The following EPB41L2 variants were observed in gnomAD, a reference collection of about 807,000 sequenced individuals.
The protein encoded by EPB41L2 is band 4.1-like protein 2.
EPB41L2 carries 43 observed loss-of-function variants against 113.0 expected under a neutral mutation model. The observed-to-expected ratio is 0.38, with a 90% CI of 0.30 to 0.49. EPB41L2 has a LOEUF of 0.49. EPB41L2 is among the 20% of genes least tolerant of loss of function. EPB41L2 has a pLI of 0.95. For synonymous variants in EPB41L2, 442 were observed against 436.7 expected, an observed-to-expected ratio of 1.01 and a Z score of -0.15; for missense variants, 1,147 against 1,223.4, an observed-to-expected ratio of 0.94 and a Z score of 0.93.
chr6:130,928,099 AATAC>A (rs1272542047), intron 3 of EPB41L2, among the ~76,000 whole-genome samples: 3 of 152,184 alleles, frequency 2.0e-5, no homozygotes, highest in Non-Finnish European at 4.4e-5. Flanking sequence ...TCAATAAATA[AATAC>A]ATAAATAATA....
chr6:130,903,929 G>A (rs1444505820), intron 6 of EPB41L2, among the ~76,000 whole-genome samples: 1 of 152,188 alleles, frequency 6.6e-6, no homozygotes, highest in African/African-American at 2.4e-5. Flanking sequence ...CAATTCAAGT[G>A]TATGTTCTTA....
Position 130,974,717 on chromosome 6 carries a change from C to CTTTTTTTTTTTTTTTTTTTTTTTTT in EPB41L2, c.-14-18243_-14-18219dup, listed in dbSNP as rs71030723. On this transcript the variant is annotated intron_variant, in intron 1 of 19. Transcript: ENST00000337057. ...GGCAGCCTCTTTTTTCTTTTCTTTTCTTTTTTTTTTTTTTTTTTTTTTTTT... is the reference window on the plus strand; with the variant it reads ...GGCAGCCTCTTTTTTCTTTTCTTTTCTTTTTTTTTTTTTTTTTTTTTTTTTTTTTTTTTTTTTTTTTTTTTTTTTT... 8.4e-4 allele frequency among the ~76,000 whole-genome samples: 54 copies of CTTTTTTTTTTTTTTTTTTTTTTTTT among 64,654 alleles called. 7 individuals are homozygous for CTTTTTTTTTTTTTTTTTTTTTTTTT. Among genetic ancestry groups the CTTTTTTTTTTTTTTTTTTTTTTTTT allele is most frequent in the Non-Finnish European group, 1.1e-3 (40 of 36,684 alleles). The allele number at this position is 64,654 out of a possible 152,430, so 42.4% of individuals were successfully genotyped here. A position where few individuals can be genotyped will look rare whatever the true frequency, so the allele number is the denominator to read the frequency against.
At chr6:131,026,271 A>G (rs551105205) in intron 1 of EPB41L2, among the ~76,000 whole-genome samples, 1 of 152,326 alleles carries the variant, frequency 6.6e-6, no homozygotes, top group South Asian at 2.1e-4. Context: ...TTATCATTAT[A>G]ACCAACCTTC....
Position 130,869,549 on chromosome 6 carries a change from G to A in EPB41L2, c.2607+14C>T. 1.2e-6 allele frequency: 2 copies of A among 1,609,354 alleles called. No homozygotes were observed. Among genetic ancestry groups the A allele is most frequent in the Non-Finnish European group, 1.7e-6 (2 of 1,177,088 alleles). On this transcript the variant is annotated intron_variant, in intron 15 of 19. Transcript: ENST00000337057. The stretch of plus-strand genomic sequence containing the variant: ...AGCTCTAGAGTTTGGCTCCCACCTG[G>A]GACTCCCATTTACCTCTGAACAACA...
chr6:130,876,584 C>T (rs1787624061), intron 14 of EPB41L2: 2 of 774,960 alleles, frequency 2.6e-6, no homozygotes, highest in East Asian at 6.7e-5. Context: ...TAGTATGACA[C>T]ACAGGAAAAA....
chr6:131,020,603 T>C (rs187877040), intron 1 of EPB41L2, among the ~76,000 whole-genome samples: 1 of 152,354 alleles, frequency 6.6e-6, no homozygotes, highest in East Asian at 1.9e-4. Context: ...TGATTTTTCA[T>C]GCTAGATATC....
chr6:130,997,866 A>G (rs60836114), intron 1 of EPB41L2, among the ~76,000 whole-genome samples: 13,022 of 152,194 alleles, frequency 0.086, 1,846 homozygotes, highest in African/African-American at 0.29. Context: ...ATTATTGTAT[A>G]TAAGAGCACC....
At position 130,890,481 on chromosome 6, in the gene EPB41L2, A is replaced by G. The variant is rs1312575931; in HGVS notation, c.1488-15T>C. ...GAGAAACAAGCCTATGGGAGGAAAA[A>G]AAAAAAAAAAGAGAGAGAGAAAGGG... On this transcript the variant is annotated splice_polypyrimidine_tract_variant and intron_variant, in intron 10 of 19. Transcript: ENST00000337057. The G allele has an allele frequency of 6.5e-7, 1 of 1,540,578 alleles. No individual in the cohort carries two copies. Among genetic ancestry groups the G allele is most frequent in the South Asian group, 1.2e-5 (1 of 81,982 alleles).
intron 1 of EPB41L2, among the ~76,000 whole-genome samples, chr6:130,970,996 C>A (rs976865749): frequency 1.3e-4 from 20 of 152,156 alleles, no homozygotes; most frequent in Non-Finnish European, 2.9e-4. Context: ...AAACAATCCT[C>A]CCACTCCCAC....
intron 8 of EPB41L2, among the ~76,000 whole-genome samples, chr6:130,898,110 A>G (rs1795204065): frequency 6.6e-6 from 1 of 151,692 alleles, no homozygotes; most frequent in Admixed American, 6.6e-5. Context: ...CTAAAAAAAA[A>G]AAAAGAAAAG....
At chr6:130,882,428 G>A (rs894161298) in intron 12 of EPB41L2, 1 of 152,648 alleles carries the variant, frequency 6.6e-6, no homozygotes, top group Non-Finnish European at 1.5e-5. Flanking sequence ...GTGGTGAAAT[G>A]TATGCACACA....
intron 1 of EPB41L2, among the ~76,000 whole-genome samples, chr6:131,006,761 GA>G (rs1323909159): frequency 6.6e-6 from 1 of 151,560 alleles, no homozygotes; most frequent in Non-Finnish European, 1.5e-5. Context: ...ACTAGGTTTT[GA>G]AAAATCCTGC....
At chr6:130,924,299 A>G (rs1803878135) in intron 4 of EPB41L2, among the ~76,000 whole-genome samples, 1 of 152,102 alleles carries the variant, frequency 6.6e-6, no homozygotes, top group African/African-American at 2.4e-5. Context: ...TGCAATAAAC[A>G]TGGGTAAACA....
At chr6:130,995,881 T>A (rs758478099) in intron 1 of EPB41L2, among the ~76,000 whole-genome samples, 1 of 152,218 alleles carries the variant, frequency 6.6e-6, no homozygotes, top group Non-Finnish European at 1.5e-5. Context: ...AATCCTTTTC[T>A]ATCTCCTCCC....
chr6:130,924,116 T>C (rs1029195922), intron 4 of EPB41L2, among the ~76,000 whole-genome samples: 2 of 152,182 alleles, frequency 1.3e-5, no homozygotes, highest in Admixed American at 6.6e-5. Context: ...TAACATGGTG[T>C]CCTCTAGGTT....
intron 1 of EPB41L2, among the ~76,000 whole-genome samples, chr6:131,051,658 C>G (rs761642535): frequency 6.6e-6 from 1 of 152,106 alleles, no homozygotes; most frequent in Non-Finnish European, 1.5e-5. Flanking sequence ...CCCTGAGAGC[C>G]TGAAGAATTG....
chr6:130,894,874 C>T, intron 9 of EPB41L2, 93 bp downstream of exon 9: 1 of 1,299,526 alleles, frequency 7.7e-7, no homozygotes, highest in Non-Finnish European at 1.0e-6. Context: ...AGTTTATTTT[C>T]TTAAAATTTT....
intron 4 of EPB41L2, among the ~76,000 whole-genome samples, chr6:130,909,949 C>G (rs901944210): frequency 6.6e-6 from 1 of 152,208 alleles, no homozygotes; most frequent in African/African-American, 2.4e-5. Context: ...AATGATCATA[C>G]TGCCCAAAAT....
At chr6:130,899,632 G>T (rs1397865103) in intron 7 of EPB41L2, 54 bp from the exon 8 acceptor site, 12 of 1,501,574 alleles carry the variant, frequency 8.0e-6, no homozygotes, top group Non-Finnish European at 1.1e-5. Context: ...AGCAAATGTA[G>T]TCAGAATGGG....
Sources: allele counts gnomAD v4.1 joint callset (sites outside exome capture counted in the v4.1 genomes callset), GRCh38; gene constraint gnomAD v4.1.1; transcripts MANE v1.5; gene names NCBI Gene and HGNC (gene_info 2026-07-23, HGNC 2026-07-21).